VWA3B: variants seen among roughly 807,000 people sequenced by gnomAD.
VWA3B encodes the protein von Willebrand factor A domain-containing protein 3B.
A neutral mutation model predicts 158.3 loss-of-function variants in VWA3B; 138 were observed. That is an observed-to-expected ratio of 0.87 (90% CI 0.76 to 1.00). The LOEUF (loss-of-function observed/expected upper bound fraction) is 1.00, where lower values mean the gene tolerates loss of function less well. VWA3B is among the 50% of genes least tolerant of loss of function. The pLI is 0.00. For synonymous variants in VWA3B, 596 were observed against 587.3 expected (o/e 1.01, Z -0.21); for missense variants, 1,555 against 1,565.1 (o/e 0.99, Z 0.11).
At chr2:98,303,124 C>T (rs946082604) in intron 25 of VWA3B, among the ~76,000 whole-genome samples, 1 of 152,112 alleles carries the variant, frequency 6.6e-6, no homozygotes, top group Non-Finnish European at 1.5e-5. Flanking sequence ...GAGATGTCCC[C>T]GGGCATGCCC....
At chr2:98,187,840 A>ATC in intron 9 of VWA3B, 135 bp from the exon 10 acceptor site, 1 of 939,874 alleles carries the variant, frequency 1.1e-6, no homozygotes, top group Non-Finnish European at 1.5e-6. Context: ...TATTTGGTTG[A>ATC]ACTAACAAAG....
chr2:98,324,565 T>G, the VWA3B span, among the ~76,000 whole-genome samples: 1 of 152,194 alleles, frequency 6.6e-6, no homozygotes, highest in Non-Finnish European at 1.5e-5. Context: ...GGCAGCATTT[T>G]CAGTATAAGT....
At chr2:98,279,861 A>C (rs536777779) in intron 22 of VWA3B, among the ~76,000 whole-genome samples, 1 of 152,302 alleles carries the variant, frequency 6.6e-6, no homozygotes, top group South Asian at 2.1e-4. Flanking sequence ...GGTACAGAGC[A>C]GGGCAAGGAA....
chr2:98,318,963 C>T, the VWA3B span, among the ~76,000 whole-genome samples: 11 of 152,272 alleles, frequency 7.2e-5, no homozygotes, highest in African/African-American at 2.6e-4. Context: ...TATGAAAAGT[C>T]AGCCCTCCAT....
the VWA3B span, among the ~76,000 whole-genome samples, chr2:98,320,944 C>T: frequency 6.6e-6 from 1 of 152,284 alleles, no homozygotes. Flanking sequence ...TTCATGGCAG[C>T]CCCTCCCATC....
At chr2:98,130,050 C>G (rs190229186) in intron 6 of VWA3B, among the ~76,000 whole-genome samples, 1 of 152,214 alleles carries the variant, frequency 6.6e-6, no homozygotes, top group East Asian at 1.9e-4. Context: ...TCTGAGTTCC[C>G]TTAGTATTTA....
intron 22 of VWA3B, among the ~76,000 whole-genome samples, chr2:98,276,477 A>C (rs1231607902): frequency 1.3e-5 from 2 of 152,264 alleles, no homozygotes; most frequent in African/African-American, 2.4e-5. Context: ...GGATGAGTAT[A>C]AATTGCCATG....
intron 8 of VWA3B, among the ~76,000 whole-genome samples, chr2:98,172,860 T>C (rs1046928529): frequency 1.3e-5 from 2 of 152,176 alleles, no homozygotes; most frequent in African/African-American, 4.8e-5. Context: ...ATTGACTATG[T>C]AGGTGGAGAA....
intron 21 of VWA3B, among the ~76,000 whole-genome samples, chr2:98,266,318 C>G (rs1687824887): frequency 6.6e-6 from 1 of 151,666 alleles, no homozygotes; most frequent in African/African-American, 2.4e-5. Flanking sequence ...TTCCCCATTG[C>G]TTGTTTTTCT....
At chr2:98,251,409 A>T (rs1430534161) in intron 20 of VWA3B, among the ~76,000 whole-genome samples, 1 of 152,176 alleles carries the variant, frequency 6.6e-6, no homozygotes, top group African/African-American at 2.4e-5. Context: ...CAAGTTCAAG[A>T]TGATGATCAC....
At chr2:98,218,304 T>C (rs1684205386) in intron 14 of VWA3B, among the ~76,000 whole-genome samples, 1 of 152,214 alleles carries the variant, frequency 6.6e-6, no homozygotes, top group Non-Finnish European at 1.5e-5. Context: ...AATATATATA[T>C]TTTGTTTTTC....
intron 19 of VWA3B, among the ~76,000 whole-genome samples, chr2:98,237,744 TCAGTCTTTG>T (rs1476633212): frequency 5.3e-5 from 8 of 152,234 alleles, no homozygotes; most frequent in African/African-American, 1.9e-4. Context: ...TAGAAACATT[TCAGTCTTTG>T]CAGTCACTGA....
At chr2:98,262,972 T>C (rs936002103) in intron 21 of VWA3B, among the ~76,000 whole-genome samples, 8 of 151,950 alleles carry the variant, frequency 5.3e-5, no homozygotes, top group Admixed American at 1.3e-4. Context: ...CAATGTTTTG[T>C]AGTTTTCAGT....
intron 16 of VWA3B, 32 bp downstream of exon 16, chr2:98,230,239 C>A: frequency 4.0e-6 from 6 of 1,502,532 alleles, no homozygotes; most frequent in Non-Finnish European, 5.3e-6. Context: ...TGACTCTTTG[C>A]TGGTTTCTCT....
intron 20 of VWA3B, among the ~76,000 whole-genome samples, chr2:98,252,545 G>A (rs1339763326): frequency 1.3e-5 from 2 of 152,110 alleles, no homozygotes; most frequent in Admixed American, 1.3e-4. Flanking sequence ...GTGTGTGACA[G>A]TCGTGAGCCT....
Position 98,177,643 on chromosome 2 carries a change from CTA to C in VWA3B, c.1115-3371_1115-3370del, listed in dbSNP as rs147375419. On this transcript the variant is annotated intron_variant, in intron 8 of 27. Coordinates refer to ENST00000477737, the MANE Select transcript of VWA3B (RefSeq NM_144992.5). ...ATTGCTTGGTCATCCTTTCTTTCCT[CTA>C]TGAAAGTTCAGGTGGCTCTGGCGGC... Among the ~76,000 whole-genome samples the C allele has an allele frequency of 5.3e-3, 809 of 151,708 alleles. 9 individuals are homozygous for C. Among genetic ancestry groups the C allele is most frequent in the African/African-American group, 0.019 (777 of 41,286 alleles).
chr2:98,303,421 G>GGTGTGTGTGT lies in VWA3B; in HGVS notation c.3421-254_3421-245dup, dbSNP rs58157632. Among the ~76,000 whole-genome samples, 672 of 146,640 alleles carry GGTGTGTGTGT rather than the reference G, an allele frequency of 4.6e-3. 4 individuals are homozygous for GGTGTGTGTGT. Among genetic ancestry groups the GGTGTGTGTGT allele is most frequent in the African/African-American group, 0.013 (526 of 39,546 alleles). On this transcript the variant is annotated intron_variant, in intron 25 of 27. Transcript: ENST00000477737. ...ATAGAAAGGAAGGTGGTTATGTGAAGGTGTGTGTGTGTGTGTGTGTGTGTG... is the reference window on the plus strand; with the variant it reads ...ATAGAAAGGAAGGTGGTTATGTGAAGGTGTGTGTGTGTGTGTGTGTGTGTGTGTGTGTGTG...
In VWA3B at chr2:98,270,827, G is replaced by T; in HGVS notation, c.2989G>T (p.Ala997Ser). Reference protein sequence around the residue: ...ILAGKMYIQQAMELQEAAKKN... With the variant: ...ILAGKMYIQQSMELQEAAKKN... ...AGCTGGGAAAATGTACATCCAGCAG[G>T]CCATGGAACTCCAGGAGGCTGCCAA... Residue 997 changes from alanine (A) to serine (S), a missense_variant, in exon 22 of 28, where the codon GCC becomes TCC. Physicochemically the swap from Ala to Ser is moderately conservative, Grantham distance 99. Coordinates refer to ENST00000477737, the MANE Select transcript of VWA3B (RefSeq NM_144992.5). 6.2e-7 allele frequency: 1 copy of T among 1,614,080 alleles called. No individual in the cohort carries two copies. The highest frequency in any genetic ancestry group is 8.5e-7 in the Non-Finnish European group (1 of 1,179,986).
chr2:98,189,691 C>G (rs765822190), intron 10 of VWA3B, among the ~76,000 whole-genome samples: 1 of 152,064 alleles, frequency 6.6e-6, no homozygotes. Flanking sequence ...CAACTGTAGT[C>G]TTTAATTCTC....
Sources: allele counts gnomAD v4.1 joint callset (sites outside exome capture counted in the v4.1 genomes callset), GRCh38; gene constraint gnomAD v4.1.1; transcripts MANE v1.5; gene names NCBI Gene and HGNC (gene_info 2026-07-23, HGNC 2026-07-21).